Variants in ACSM3 observed in about 807,000 individuals in gnomAD.
The protein encoded by ACSM3 is acyl-coenzyme A synthetase ACSM3, mitochondrial.
Under a neutral mutation model 74.1 loss-of-function variants are expected in ACSM3, and 61 were observed. The observed-to-expected ratio is 0.82, with a 90% CI of 0.67 to 1.02. The LOEUF is 1.02. Among genes scored for constraint, ACSM3 ranks in the 50% least tolerant of loss-of-function variants. The pLI is 0.00. For missense variants in ACSM3, 660 were observed against 697.0 expected (o/e 0.95, Z 0.60); for synonymous variants, 213 against 241.5 (o/e 0.88, Z 1.09).
chr16:20,728,720 G>A (rs751603987), intron 1 of ACSM3, among the ~76,000 whole-genome samples: 1 of 151,714 alleles, frequency 6.6e-6, no homozygotes, highest in Non-Finnish European at 1.5e-5. Flanking sequence ...GTAGGATGGG[G>A]GTGCAGTTGG....
chr16:20,789,553 C>T (rs1355845922), intron 9 of ACSM3: 1 of 1,609,812 alleles, frequency 6.2e-7, no homozygotes, highest in African/African-American at 1.3e-5. Flanking sequence ...CTGTAGGTTC[C>T]ACAGCTAAAC....
chr16:20,725,424 A>G, intron 1 of ACSM3: 1 of 239,854 alleles, frequency 4.2e-6, no homozygotes. Context: ...GGATGCTTCT[A>G]CAAAAAGACC....
chr16:20,737,124 T>A, intron 1 of ACSM3: 2 of 1,614,206 alleles, frequency 1.2e-6, no homozygotes, highest in Non-Finnish European at 1.7e-6. Context: ...CTGTGACGGA[T>A]CCTTAGGGCT....
At chr16:20,677,872 A>G (rs1165439540) in intron 1 of ACSM3, among the ~76,000 whole-genome samples, 18 of 152,194 alleles carry the variant, frequency 1.2e-4, no homozygotes, top group Admixed American at 1.1e-3. Context: ...TACAAAGAAA[A>G]AAAAGGCTTT....
At chr16:20,762,868 G>A (rs932098519), upstream of ACSM3, among the ~76,000 whole-genome samples, 1 of 152,218 alleles carries the variant, frequency 6.6e-6, no homozygotes, top group African/African-American at 2.4e-5. Flanking sequence ...AGCAAGGCAA[G>A]GATGTCTGCT....
At chr16:20,747,364 A>G (rs1295221735) in intron 1 of ACSM3, among the ~76,000 whole-genome samples, 1 of 152,206 alleles carries the variant, frequency 6.6e-6, no homozygotes, top group African/African-American at 2.4e-5. Context: ...CTTCAGTTGC[A>G]AAACCTGTCA....
At chr16:20,778,435 G>A (rs978985604) in intron 4 of ACSM3, among the ~76,000 whole-genome samples, 19 of 152,108 alleles carry the variant, frequency 1.2e-4, no homozygotes, top group Middle Eastern at 3.2e-3. Context: ...GGCCAAGTAC[G>A]GTTCTAATAA....
intron 1 of ACSM3, among the ~76,000 whole-genome samples, chr16:20,695,640 GTCTA>G (rs554129897): frequency 1.8e-3 from 265 of 150,388 alleles, no homozygotes; most frequent in African/African-American, 3.8e-3. Flanking sequence ...TGTATCTATC[GTCTA>G]TCTATCTACC....
At chr16:20,710,774 C>T (rs901375583) in intron 1 of ACSM3, among the ~76,000 whole-genome samples, 3 of 151,900 alleles carry the variant, frequency 2.0e-5, no homozygotes, top group African/African-American at 7.3e-5. Flanking sequence ...CTGTAAAGTG[C>T]TATTTAAGTG....
intron 9 of ACSM3, among the ~76,000 whole-genome samples, chr16:20,788,105 TTTA>T (rs1435075666): frequency 2.6e-5 from 4 of 152,176 alleles, no homozygotes; most frequent in Admixed American, 6.5e-5. Flanking sequence ...TATTTATTTA[TTTA>T]TTTTTTTATT....
At chr16:20,785,916 T>C (rs1368796230) in intron 8 of ACSM3, among the ~76,000 whole-genome samples, 162 bp from the exon 9 acceptor site, 2 of 152,228 alleles carry the variant, frequency 1.3e-5, no homozygotes, top group African/African-American at 4.8e-5. Context: ...TACATATGCA[T>C]GTATTTATAT....
At chr16:20,723,045 C>T (rs1371966165) in intron 1 of ACSM3, among the ~76,000 whole-genome samples, 4 of 152,104 alleles carry the variant, frequency 2.6e-5, no homozygotes, top group Non-Finnish European at 5.9e-5. Context: ...TCCCCCACCC[C>T]ACAACAGGCC....
chr16:20,695,772 C>T (rs943350823), intron 1 of ACSM3, among the ~76,000 whole-genome samples: 4 of 152,044 alleles, frequency 2.6e-5, no homozygotes, highest in South Asian at 4.1e-4. Flanking sequence ...TCTATGTCTG[C>T]GTCTATCTCT....
chr16:20,734,985 G>A (rs1244607415), intron 1 of ACSM3: 1 of 152,172 alleles, frequency 6.6e-6, no homozygotes, highest in Non-Finnish European at 1.5e-5. Flanking sequence ...TCCTCCAGCC[G>A]GGTTAGAACA....
chr16:20,741,545 G>A, intron 1 of ACSM3: 4 of 1,516,584 alleles, frequency 2.6e-6, no homozygotes, highest in Non-Finnish European at 3.5e-6. Context: ...CGTATTCGTT[G>A]AGGAGGCTGT....
chr16:20,759,605 A>T (rs2152442453), upstream of ACSM3, among the ~76,000 whole-genome samples: 1 of 151,092 alleles, frequency 6.6e-6, no homozygotes, highest in East Asian at 1.9e-4. Flanking sequence ...GCTTCTGGGT[A>T]GATGAGCATG....
intron 1 of ACSM3, among the ~76,000 whole-genome samples, chr16:20,718,745 C>G (rs1377338760): frequency 2.6e-5 from 4 of 152,126 alleles, no homozygotes; most frequent in Admixed American, 6.6e-5. Flanking sequence ...TTAATCATTG[C>G]TAGGTAAATT....
intron 1 of ACSM3, chr16:20,739,176 A>T: frequency 2.5e-6 from 2 of 793,640 alleles, no homozygotes; most frequent in Non-Finnish European, 3.7e-6. Flanking sequence ...CTCAGTATTG[A>T]TTTTTTTTTT....
intron 1 of ACSM3, among the ~76,000 whole-genome samples, chr16:20,698,010 C>T (rs1042707077): frequency 2.0e-5 from 3 of 151,800 alleles, no homozygotes; most frequent in Non-Finnish European, 4.4e-5. Flanking sequence ...CTGGCTAACA[C>T]GGTGAAACCC....
Sources: allele counts gnomAD v4.1 joint callset (sites outside exome capture counted in the v4.1 genomes callset), GRCh38; gene constraint gnomAD v4.1.1; transcripts MANE v1.5; gene names NCBI Gene and HGNC (gene_info 2026-07-23, HGNC 2026-07-21).